HIVEP2: variants seen among roughly 807,000 people sequenced by gnomAD.
HIVEP2 encodes HIVEP zinc finger 2.
In HIVEP2, 14 loss-of-function variants were observed where a neutral mutation model predicts 180.7. The ratio of observed to expected loss-of-function variants is 0.08; its 90% CI spans 0.05 to 0.12. HIVEP2 has a LOEUF of 0.12. Ranked by LOEUF, HIVEP2 falls within the 10% of genes least tolerant of loss-of-function variation. HIVEP2 has a pLI of 1.00. For missense variants in HIVEP2, 2,579 were observed against 3,008.5 expected (o/e 0.86, Z 3.34); for synonymous variants, 1,184 against 1,136.4 (o/e 1.04, Z -0.84).
chr6:142,780,196 G>A (rs1162927160), intron 3 of HIVEP2, among the ~76,000 whole-genome samples: 2 of 152,088 alleles, frequency 1.3e-5, no homozygotes, highest in Non-Finnish European at 2.9e-5. Context: ...AAGCCTACCC[G>A]AGATGCCCCA....
intron 2 of HIVEP2, among the ~76,000 whole-genome samples, chr6:142,815,877 A>G (rs1776821496): frequency 6.6e-6 from 1 of 152,212 alleles, no homozygotes; most frequent in Non-Finnish European, 1.5e-5. Flanking sequence ...CTTTTGTGCC[A>G]TCTGGTAAAG....
At chr6:142,925,510 G>A (rs547735519) in intron 1 of HIVEP2, among the ~76,000 whole-genome samples, 8 of 152,194 alleles carry the variant, frequency 5.3e-5, no homozygotes, top group African/African-American at 1.9e-4. Context: ...GTTATATTTT[G>A]TCAAGGAAAA....
intron 2 of HIVEP2, among the ~76,000 whole-genome samples, chr6:142,798,274 A>AAAAAG (rs547612498): frequency 8.1e-4 from 123 of 152,200 alleles, no homozygotes; most frequent in East Asian, 4.3e-3. Flanking sequence ...GTCTCAAAAA[A>AAAAAG]AAAAGAAAAG....
intron 2 of HIVEP2, among the ~76,000 whole-genome samples, chr6:142,822,036 C>T (rs189284055): frequency 4.0e-4 from 61 of 152,348 alleles, no homozygotes; most frequent in African/African-American, 1.4e-3. Context: ...CACTCATTCC[C>T]TTGGCACTAA....
At position 142,774,869 on chromosome 6, in the gene HIVEP2, C is replaced by T. The variant is rs1775655408; in HGVS notation, c.-131G>A. On this transcript the variant is annotated 5_prime_UTR_variant, in exon 5 of 10. Coordinates refer to ENST00000367603, the MANE Select transcript of HIVEP2 (RefSeq NM_006734.4). This position sits in a 1 kb window ranked among gnomAD's most constrained non-coding sequence, Gnocchi z 5.1. Reference sequence around the variant, plus strand: ...GGTGTCTGCAAACTTGCTGATTGCTCCTTCTCTTTGGAACCTTCCACACGC... The same window carrying T: ...GGTGTCTGCAAACTTGCTGATTGCTTCTTCTCTTTGGAACCTTCCACACGC... The T allele has an allele frequency of 6.6e-7, 1 of 1,510,462 alleles. No individual in the cohort carries two copies. Among genetic ancestry groups the T allele is most frequent in the East Asian group, 2.3e-5 (1 of 44,208 alleles). The allele number at this position is 1,510,462 out of a possible 1,614,324, so 93.6% of individuals were successfully genotyped here. A position where few individuals can be genotyped will look rare whatever the true frequency, so the allele number is the denominator to read the frequency against.
chr6:142,771,339 C>T lies in HIVEP2; in HGVS notation c.3400G>A (p.Asp1134Asn). Reference sequence around the variant, plus strand: ...GGACCCGCCACCTGCTTCCCTGGGTCCTCTTGCTGAAGAGGAGGCAGCACA... The same window carrying T: ...GGACCCGCCACCTGCTTCCCTGGGTTCTCTTGCTGAAGAGGAGGCAGCACA... The part of the protein sequence containing the change: ...PAVLPPLQQE[D>N]PGKQVAGPCP... The change falls in exon 5 of 10, where the codon GAC (aspartate) becomes AAC (asparagine). Residue 1134 changes from aspartate to asparagine, a missense_variant. Physicochemically the swap from Asp to Asn is conservative, Grantham distance 23 (BLOSUM62 1). Transcript: ENST00000367603. The surrounding 1 kb of genome is among the most constrained non-coding windows in gnomAD (Gnocchi z 5.4). The T allele has an allele frequency of 6.2e-7, 1 of 1,613,094 alleles. No homozygotes were observed. The highest frequency in any genetic ancestry group is 2.2e-5 in the East Asian group (1 of 44,878).
intron 2 of HIVEP2, among the ~76,000 whole-genome samples, chr6:142,792,179 A>G (rs1776154398): frequency 6.6e-6 from 1 of 152,148 alleles, no homozygotes; most frequent in Non-Finnish European, 1.5e-5. Context: ...GACAACTGCC[A>G]CAGTCACAGA....
chr6:142,801,413 C>CAAA (rs10569495), intron 2 of HIVEP2, among the ~76,000 whole-genome samples: 6 of 102,872 alleles, frequency 5.8e-5, no homozygotes, highest in African/African-American at 1.1e-4. Context: ...GACTCTGTCT[C>CAAA]AAAAAAAAAA....
intron 1 of HIVEP2, among the ~76,000 whole-genome samples, chr6:142,875,777 G>A (rs1776419709): frequency 6.6e-6 from 1 of 152,180 alleles, no homozygotes; most frequent in Non-Finnish European, 1.5e-5. Context: ...GAGCACAGCT[G>A]TAGGCAGGGG....
chr6:142,771,633 G>C lies in HIVEP2; in HGVS notation c.3106C>G (p.Pro1036Ala). 1 of 1,614,164 alleles carries C rather than the reference G, an allele frequency of 6.2e-7. No homozygotes were observed. Among genetic ancestry groups the C allele is most frequent in the African/African-American group, 1.3e-5 (1 of 75,034 alleles). Residue 1036 changes from proline (P) to alanine (A), a missense_variant, in exon 5 of 10, where the codon CCT (proline) becomes GCT (alanine). Physicochemically the swap from Pro to Ala is conservative, Grantham distance 27 (BLOSUM62 -1). Transcript: ENST00000367603. The surrounding 1 kb of genome is among the most constrained non-coding windows in gnomAD (Gnocchi z 5.4). ...GGGACTTCCGCTGGGTGAGGACAAG[G>C]CATCTGCTCTGATGAGCAGCGTCGC... The part of the protein sequence containing the change: ...EMRRCSSEQM[P>A]CPHPAEVPEV...
At chr6:142,809,187 TA>T (rs1391091908) in intron 2 of HIVEP2, among the ~76,000 whole-genome samples, 1 of 152,132 alleles carries the variant, frequency 6.6e-6, no homozygotes, top group Non-Finnish European at 1.5e-5. Context: ...ACGTCAGCTT[TA>T]ACTATTCCAG....
At chr6:142,829,393 C>A (rs1213404827) in intron 2 of HIVEP2, among the ~76,000 whole-genome samples, 1 of 152,164 alleles carries the variant, frequency 6.6e-6, no homozygotes, top group Non-Finnish European at 1.5e-5. Context: ...CTTGCACATC[C>A]TTAAAGCTGT....
intron 1 of HIVEP2, among the ~76,000 whole-genome samples, chr6:142,921,170 A>T (rs1319107818): frequency 6.6e-6 from 1 of 152,196 alleles, no homozygotes; most frequent in Admixed American, 6.5e-5. Context: ...AAGATATTTA[A>T]CTTCTCTGCC....
intron 1 of HIVEP2, among the ~76,000 whole-genome samples, chr6:142,931,142 T>C (rs970475851): frequency 6.6e-6 from 1 of 152,112 alleles, no homozygotes; most frequent in Non-Finnish European, 1.5e-5. Context: ...GAATAAGTCA[T>C]CTGTGCAGGA....
intron 2 of HIVEP2, among the ~76,000 whole-genome samples, chr6:142,812,842 G>A (rs1246124324): frequency 6.6e-6 from 1 of 152,116 alleles, no homozygotes; most frequent in African/African-American, 2.4e-5. Context: ...TACAGTGGAT[G>A]GCAGATTAGA....
At chr6:142,924,111 G>A (rs1777745406) in intron 1 of HIVEP2, among the ~76,000 whole-genome samples, 1 of 152,098 alleles carries the variant, frequency 6.6e-6, no homozygotes, top group Non-Finnish European at 1.5e-5. Flanking sequence ...AGTAAATAAA[G>A]CACCAGGATT....
At chr6:142,878,957 T>C (rs1279275315) in intron 1 of HIVEP2, among the ~76,000 whole-genome samples, 4 of 152,182 alleles carry the variant, frequency 2.6e-5, no homozygotes, top group African/African-American at 4.8e-5. Context: ...TCATGAACTG[T>C]GTGGCCCTGG....
chr6:142,806,779 TG>T (rs1324661260), intron 2 of HIVEP2, among the ~76,000 whole-genome samples: 1 of 152,100 alleles, frequency 6.6e-6, no homozygotes, highest in Non-Finnish European at 1.5e-5. Context: ...CTCAGCTTTT[TG>T]CATATACATT....
chr6:142,836,383 T>G (rs1775223777), intron 2 of HIVEP2, among the ~76,000 whole-genome samples: 1 of 152,142 alleles, frequency 6.6e-6, no homozygotes, highest in South Asian at 2.1e-4. Context: ...AAACTCCTCC[T>G]GGTAACTAAT....
Sources: allele counts gnomAD v4.1 joint callset (sites outside exome capture counted in the v4.1 genomes callset), GRCh38; gene constraint gnomAD v4.1.1; non-coding constraint Gnocchi (gnomAD v3.1); transcripts MANE v1.5; gene names NCBI Gene and HGNC (gene_info 2026-07-23, HGNC 2026-07-21).